The following PEX11A variants were observed in gnomAD, a reference collection of about 807,000 sequenced individuals.
PEX11A encodes the protein peroxisomal biogenesis factor 11 alpha, also known as peroxisomal membrane protein 11A.
A neutral mutation model predicts 14.4 loss-of-function variants in PEX11A; 13 were observed. The observed-to-expected ratio is 0.90, with a 90% CI of 0.59 to 1.43. The LOEUF (loss-of-function observed/expected upper bound fraction) is 1.43. Ranked by LOEUF, PEX11A falls within the 40% of genes most tolerant of loss-of-function variation. The pLI, the probability that PEX11A is intolerant of heterozygous loss-of-function variation, is 0.00. For missense variants in PEX11A, 290 were observed against 302.8 expected (o/e 0.96, Z 0.31); for synonymous variants, 101 against 113.0 (o/e 0.89, Z 0.67).
In PEX11A at chr15:89,683,634, C is replaced by T. The variant is rs746073333; in HGVS notation, c.487G>A (p.Asp163Asn). The T allele has an allele frequency of 6.2e-7, 1 of 1,614,118 alleles. No individual in the cohort carries two copies. The highest frequency in any genetic ancestry group is 8.5e-7 in the Non-Finnish European group (1 of 1,179,980). Residue 163 changes from aspartate to asparagine, a missense_variant, in exon 3 of 3, where the codon GAT becomes AAT. By Grantham distance (23) the Asp-to-Asn change is conservative. Coordinates refer to ENST00000300056, the MANE Select transcript of PEX11A (RefSeq NM_003847.3). ...TCAGCCACGCTGAACCAAAGAGGAT[C>T]CTGGGATGCTGATTTCTCTTTCTTT... ...RAKKEKSASQ[D>N]PLWFSVAEEE... is the part of the protein sequence containing the mutation.
chr15:89,684,437 C>T (rs1964647834), intron 2 of PEX11A, among the ~76,000 whole-genome samples: 1 of 152,188 alleles, frequency 6.6e-6, no homozygotes, highest in Non-Finnish European at 1.5e-5. Context: ...TTACCAGCTA[C>T]ACTTCTTTAG....
intron 2 of PEX11A, among the ~76,000 whole-genome samples, chr15:89,685,946 A>G (rs1964669684): frequency 6.6e-6 from 1 of 152,178 alleles, no homozygotes; most frequent in South Asian, 2.1e-4. Context: ...AACACAAAAT[A>G]TTGATTTCAC....
chr15:89,690,469 T>C (rs944485010), intron 1 of PEX11A, 108 bp downstream of exon 1: 4 of 768,040 alleles, frequency 5.2e-6, no homozygotes, highest in Non-Finnish European at 6.3e-6. Flanking sequence ...ACGTCCTTCC[T>C]GCTTCCATCT....
Position 89,686,555 on chromosome 15 carries a change from GAA to G in PEX11A, c.57-11_57-10del. On this transcript the variant is annotated splice_polypyrimidine_tract_variant and intron_variant, in intron 1 of 2. Transcript: ENST00000300056. ...ATGTGTACTGAGTGGCTCTGAAATGGAAAAAAAAAAATTGAGAAGAATGATTT... is the reference window on the plus strand; with the variant it reads ...ATGTGTACTGAGTGGCTCTGAAATGGAAAAAAAAATTGAGAAGAATGATTT... 78 of 978,366 alleles carry G rather than the reference GAA, an allele frequency of 8.0e-5. No homozygotes were observed. Among genetic ancestry groups the G allele is most frequent in the East Asian group, 1.2e-4 (4 of 33,320 alleles). The allele number at this position is 978,366 out of a possible 1,614,324, so 60.6% of individuals were successfully genotyped here.
chr15:89,689,120 C>G (rs1207046712), intron 1 of PEX11A, among the ~76,000 whole-genome samples: 2 of 152,140 alleles, frequency 1.3e-5, no homozygotes, highest in African/African-American at 2.4e-5. Context: ...TTTAATGAAG[C>G]TTGTATATAA....
intron 2 of PEX11A, among the ~76,000 whole-genome samples, chr15:89,684,286 A>G (rs1226044338): frequency 6.6e-6 from 1 of 152,230 alleles, no homozygotes; most frequent in Non-Finnish European, 1.5e-5. Context: ...TACATTAAGG[A>G]CACCTAAAGT....
chr15:89,689,199 G>C (rs1964743182), intron 1 of PEX11A, among the ~76,000 whole-genome samples: 2 of 150,208 alleles, frequency 1.3e-5, no homozygotes, highest in Non-Finnish European at 3.0e-5. Flanking sequence ...AGTGGGCACT[G>C]GAGTCATTTG....
Position 89,683,924 on chromosome 15 carries a change from T to G in PEX11A, c.197A>C (p.His66Pro), listed in dbSNP as rs549691532. ...RKWFRLGNVV[H>P]AIQATEQSIH... ...GCTCTGCTCAGTTGCCTGTATAGCATGTACCACATTGCCTAGTCTGAACCC... is the reference window on the plus strand; with the variant it reads ...GCTCTGCTCAGTTGCCTGTATAGCAGGTACCACATTGCCTAGTCTGAACCC... The change falls in exon 3 of 3, where the codon CAT (histidine) becomes CCT (proline). Residue 66 changes from histidine to proline, a missense_variant. Transcript: ENST00000300056. The G allele has an allele frequency of 6.2e-6, 10 of 1,612,942 alleles. No homozygotes were observed. Among genetic ancestry groups the G allele is most frequent in the Non-Finnish European group, 8.5e-6 (10 of 1,179,206 alleles).
intron 2 of PEX11A, among the ~76,000 whole-genome samples, chr15:89,686,135 A>G (rs1964672683): frequency 6.6e-6 from 1 of 152,214 alleles, no homozygotes; most frequent in South Asian, 2.1e-4. Context: ...GACTGCTAAA[A>G]CATACTATGA....
rs1324571072 is a variant in PEX11A at position 89,683,715 on chromosome 15, C to A, written c.406G>T (p.Val136Phe). 6.2e-7 allele frequency: 1 copy of A among 1,614,030 alleles called. No homozygotes were observed. ...HYYYSLLLSL[V>F]RDLYEISLQM... ...AGGGAGATTTCATACAGATCCCTGA[C>A]CAGGCTCAGCAGAAGAGAATAGTAG... The change falls in exon 3 of 3, where the codon GTC becomes TTC. Residue 136 changes from valine (V) to phenylalanine (F), a missense_variant. Transcript: ENST00000300056.
intron 1 of PEX11A, among the ~76,000 whole-genome samples, chr15:89,688,539 T>A (rs11629505): frequency 6.6e-6 from 1 of 150,980 alleles, no homozygotes; most frequent in Admixed American, 6.6e-5. Flanking sequence ...ATTACAGGCA[T>A]GTGCCATCAC....
chr15:89,682,082 A>G lies in PEX11A; in HGVS notation c.*1295T>C, dbSNP rs1451892648. The G allele has an allele frequency of 6.6e-6, 1 of 152,362 alleles. No homozygotes were observed. The highest frequency in any genetic ancestry group is 1.5e-5 in the Non-Finnish European group (1 of 68,146). The allele number at this position is 152,362 out of a possible 1,614,324, so 9.4% of individuals were successfully genotyped here. A position where few individuals can be genotyped will look rare whatever the true frequency, so the allele number is the denominator to read the frequency against. On this transcript the variant is annotated 3_prime_UTR_variant, in exon 3 of 3. Coordinates refer to ENST00000300056, the MANE Select transcript of PEX11A (RefSeq NM_003847.3). ...CTCTTACATCTGGAGTATTCATGAA[A>G]TTTTTTTGACTGGATAAATTTTGAT...
In PEX11A at chr15:89,681,806, C is replaced by T; in HGVS notation, c.*1571G>A. On this transcript the variant is annotated 3_prime_UTR_variant, in exon 3 of 3. Transcript: ENST00000300056. ...TTCTCATTTCCATTCAGATAAATGA[C>T]ACAGCTTTGCTGGGAGGACTGACAT... 1 of 336,174 alleles carries T rather than the reference C, an allele frequency of 3.0e-6. No homozygotes were observed. The highest frequency in any genetic ancestry group is 5.4e-6 in the Non-Finnish European group (1 of 183,508). 20.8% of individuals were successfully genotyped at this position (336,174 alleles called of 1,614,324 possible).
At chr15:89,690,519 A>C in intron 1 of PEX11A, 58 bp downstream of exon 1, 1 of 1,310,776 alleles carries the variant, frequency 7.6e-7, no homozygotes, top group Non-Finnish European at 1.1e-6. Flanking sequence ...GCAGGGGAAT[A>C]GGCACGGGAG....
intron 1 of PEX11A, among the ~76,000 whole-genome samples, chr15:89,687,509 C>G (rs1964695258): frequency 1.3e-5 from 2 of 152,150 alleles, no homozygotes; most frequent in African/African-American, 4.8e-5. Context: ...TTACAAATAA[C>G]AATGACTTAC....
intron 1 of PEX11A, among the ~76,000 whole-genome samples, chr15:89,687,748 C>T (rs951197040): frequency 3.3e-5 from 5 of 152,096 alleles, no homozygotes; most frequent in Non-Finnish European, 5.9e-5. Context: ...CATAAACAAT[C>T]GCTTTCTCTT....
chr15:89,683,871 A>G lies in PEX11A; in HGVS notation c.250T>C (p.Leu84=). ...SIHATDLVPR[L]CLTLANLNRV... is the part of the protein sequence containing the mutation. ...TTCAGGTTGGCTAATGTTAAGCATAAGCGAGGTACCAGGTCAGTGGCATGA... is the reference window on the plus strand; with the variant it reads ...TTCAGGTTGGCTAATGTTAAGCATAGGCGAGGTACCAGGTCAGTGGCATGA... Residue 84 remains leucine (L), a synonymous_variant, in exon 3 of 3, where the codon TTA becomes CTA. Coordinates refer to ENST00000300056, the MANE Select transcript of PEX11A (RefSeq NM_003847.3). 6.2e-7 allele frequency: 1 copy of G among 1,614,146 alleles called. No individual in the cohort carries two copies. Among genetic ancestry groups the G allele is most frequent in the East Asian group, 2.2e-5 (1 of 44,892 alleles).
rs567128203 is a variant in PEX11A, at chr15:89,687,669, C to T, written c.57-1123G>A. ...ATAAATATTATTCTCAATAAAAATG[C>T]GGTACATTTTCATTTTCTAAAATAG... On this transcript the variant is annotated intron_variant, in intron 1 of 2. Coordinates refer to ENST00000300056, the MANE Select transcript of PEX11A (RefSeq NM_003847.3). 6.6e-5 allele frequency among the ~76,000 whole-genome samples: 10 copies of T among 152,138 alleles called. 1 individual carries two copies. The East Asian group carries it at 1.9e-3, about 29-fold the overall frequency.
intron 2 of PEX11A, among the ~76,000 whole-genome samples, chr15:89,685,169 A>C (rs1323789523): frequency 7.2e-6 from 1 of 138,622 alleles, no homozygotes; most frequent in Non-Finnish European, 1.5e-5. Context: ...ATGCCACTGC[A>C]CTCCAGCCTG....
Sources: gnomAD v4.1 joint callset for allele counts (sites outside exome capture counted in the v4.1 genomes callset) on GRCh38, gnomAD v4.1.1 for gene constraint, MANE v1.5 for transcripts, NCBI Gene and HGNC (gene_info 2026-07-23, HGNC 2026-07-21) for gene names.